The following PPP1R16B variants were observed in gnomAD, a reference collection of about 807,000 sequenced individuals.
PPP1R16B encodes the protein protein phosphatase 1 regulatory subunit 16B.
PPP1R16B carries 14 observed loss-of-function variants against 61.7 expected under a neutral mutation model. That is an observed-to-expected ratio of 0.23 (90% CI 0.15 to 0.35). The LOEUF (loss-of-function observed/expected upper bound fraction) is 0.35. Among genes scored for constraint, PPP1R16B ranks in the 10% least tolerant of loss-of-function variants. PPP1R16B has a pLI of 1.00. For missense variants in PPP1R16B, 547 were observed against 752.5 expected (o/e 0.73, Z 3.19); for synonymous variants, 266 against 305.3 (o/e 0.87, Z 1.34).
At chr20:38,883,555 C>G (rs908336918) in intron 2 of PPP1R16B, among the ~76,000 whole-genome samples, 5 of 152,152 alleles carry the variant, frequency 3.3e-5, no homozygotes, top group African/African-American at 1.2e-4. Context: ...GTGAGGAGGG[C>G]GGGAGCCACC....
At chr20:38,916,794 T>C (rs935219342) in intron 10 of PPP1R16B, among the ~76,000 whole-genome samples, 1 of 152,174 alleles carries the variant, frequency 6.6e-6, no homozygotes, top group Non-Finnish European at 1.5e-5. Context: ...TATTTCCCCA[T>C]ACCCCTGCCA....
At chr20:38,911,860 T>A (rs190969405) in intron 10 of PPP1R16B, among the ~76,000 whole-genome samples, 20 of 152,234 alleles carry the variant, frequency 1.3e-4, no homozygotes, top group Non-Finnish European at 2.5e-4. Context: ...TGGTGGACAT[T>A]TGGGTTTCTT....
chr20:38,824,968 T>C (rs549459594), intron 1 of PPP1R16B, among the ~76,000 whole-genome samples: 1 of 152,264 alleles, frequency 6.6e-6, no homozygotes, highest in African/African-American at 2.4e-5. Flanking sequence ...CACTCCAGCC[T>C]GGGCAACAGA....
intron 2 of PPP1R16B, among the ~76,000 whole-genome samples, chr20:38,870,056 TG>T: frequency 6.6e-6 from 1 of 152,266 alleles, no homozygotes; most frequent in South Asian, 2.1e-4. Context: ...CCTGAGTAGC[TG>T]GGATTACAGG....
chr20:38,809,823 T>C (rs1601226042), intron 1 of PPP1R16B, among the ~76,000 whole-genome samples: 1 of 151,344 alleles, frequency 6.6e-6, no homozygotes, highest in Non-Finnish European at 1.5e-5. Context: ...CTACAAAAAA[T>C]ACAAAAAATT....
At position 38,918,316 on chromosome 20, in the gene PPP1R16B, G is replaced by A. The variant is rs763836612; in HGVS notation, c.1354G>A (p.Asp452Asn). 6.8e-6 allele frequency: 11 copies of A among 1,614,072 alleles called. No homozygotes were observed. In the East Asian group the frequency reaches 2.5e-4, roughly 36 times the overall value. ...TGTCTGGAAGGTGCATGAGGTGCCT[G>A]ACTACAGCATGGCCTATGGCAACCC... ...GDVWKVHEVP[D>N]YSMAYGNPGV... Residue 452 changes from aspartate (D) to asparagine (N), a missense_variant, in exon 11 of 11, where the codon GAC (aspartate) becomes AAC (asparagine). Transcript: ENST00000299824. The surrounding 1 kb of genome is among the most constrained non-coding windows in gnomAD (Gnocchi z 5.3).
Position 38,921,014 on chromosome 20 carries a change from A to C in PPP1R16B, c.*2348A>C, listed in dbSNP as rs2085592245. 6.6e-6 allele frequency: 1 copy of C among 152,232 alleles called. No homozygotes were observed. The highest frequency in any genetic ancestry group is 2.4e-5 in the African/African-American group (1 of 41,436). The allele number at this position is 152,232 out of a possible 1,614,324, so 9.4% of individuals were successfully genotyped here. ...CTTTTTGCTCAGGGGCCAAACACTG[A>C]AGGCACGTACTGCCCAACCCACTGA... On this transcript the variant is annotated 3_prime_UTR_variant, in exon 11 of 11. Transcript: ENST00000299824.
chr20:38,906,283 GTTTTTTTTTTTTT>G (rs907617949), intron 7 of PPP1R16B, among the ~76,000 whole-genome samples, 189 bp downstream of exon 7: 32 of 101,244 alleles, frequency 3.2e-4, no homozygotes, highest in Non-Finnish European at 6.3e-4. Context: ...AGCAAGTTGT[GTTTTTTTTTTTTT>G]TTTTTTTTTT....
intron 1 of PPP1R16B, among the ~76,000 whole-genome samples, chr20:38,819,785 T>C (rs926976419): frequency 9.9e-5 from 15 of 151,718 alleles, no homozygotes; most frequent in Non-Finnish European, 5.9e-5. Context: ...AGAGCAGTAT[T>C]TAAAAAAAAA....
intron 2 of PPP1R16B, among the ~76,000 whole-genome samples, chr20:38,855,967 GA>G (rs1208950912): frequency 8.3e-6 from 1 of 120,650 alleles, no homozygotes; most frequent in Non-Finnish European, 1.7e-5. Context: ...GAGAGAGAGA[GA>G]GAGAGAGAGA....
chr20:38,838,961 T>C (rs2084891090), intron 2 of PPP1R16B, among the ~76,000 whole-genome samples: 1 of 152,256 alleles, frequency 6.6e-6, no homozygotes, highest in African/African-American at 2.4e-5. Flanking sequence ...GAAGTCTCGC[T>C]CTGTCGCCCA....
At chr20:38,895,781 TCCTC>T in intron 4 of PPP1R16B, 71 bp downstream of exon 4, 1 of 1,205,940 alleles carries the variant, frequency 8.3e-7, no homozygotes, top group Non-Finnish European at 1.1e-6. Context: ...CTTCTTTCTC[TCCTC>T]CCTCCCTCCT....
intron 2 of PPP1R16B, among the ~76,000 whole-genome samples, chr20:38,849,448 C>T (rs763557057): frequency 2.0e-5 from 3 of 152,104 alleles, no homozygotes; most frequent in Non-Finnish European, 4.4e-5. Flanking sequence ...CCATGCTCTA[C>T]TCTGTCTACG....
At chr20:38,851,281 A>G (rs928373680) in intron 2 of PPP1R16B, among the ~76,000 whole-genome samples, 10 of 152,134 alleles carry the variant, frequency 6.6e-5, no homozygotes, top group Admixed American at 3.9e-4. Context: ...CCTGGCCAAC[A>G]TGGTGAAACC....
chr20:38,910,351 G>T (rs1267969307), intron 10 of PPP1R16B, among the ~76,000 whole-genome samples: 1 of 152,086 alleles, frequency 6.6e-6, no homozygotes, highest in Non-Finnish European at 1.5e-5. Flanking sequence ...AATTCATAGA[G>T]CATTTTCATC....
At chr20:38,847,708 G>A (rs758861237) in intron 2 of PPP1R16B, among the ~76,000 whole-genome samples, 1 of 152,108 alleles carries the variant, frequency 6.6e-6, no homozygotes, top group Non-Finnish European at 1.5e-5. Flanking sequence ...CAATGATTGT[G>A]TACGTTTATG....
chr20:38,885,807 G>A (rs1259816158), intron 2 of PPP1R16B, among the ~76,000 whole-genome samples: 1 of 152,186 alleles, frequency 6.6e-6, no homozygotes, highest in African/African-American at 2.4e-5. Flanking sequence ...ACAGAGTCTT[G>A]CTCCGTCGCC....
chr20:38,912,096 C>G (rs962885550), intron 10 of PPP1R16B, among the ~76,000 whole-genome samples: 67 of 127,424 alleles, frequency 5.3e-4, no homozygotes, highest in Non-Finnish European at 9.2e-4. Context: ...TATAGTCAGT[C>G]TTTTTTTTTT....
At chr20:38,825,831 A>G (rs1258930837) in intron 1 of PPP1R16B, among the ~76,000 whole-genome samples, 1 of 152,204 alleles carries the variant, frequency 6.6e-6, no homozygotes, top group Non-Finnish European at 1.5e-5. Flanking sequence ...AAAGGCAACT[A>G]CTGGATGATG....
Sources: gnomAD v4.1 joint callset for allele counts (sites outside exome capture counted in the v4.1 genomes callset) on GRCh38, gnomAD v4.1.1 for gene constraint, Gnocchi (gnomAD v3.1) non-coding constraint, MANE v1.5 for transcripts, NCBI Gene and HGNC (gene_info 2026-07-23, HGNC 2026-07-21) for gene names.